The following ST6GALNAC3 variants were observed in gnomAD, a reference collection of about 807,000 sequenced individuals.
ST6GALNAC3 encodes alpha-N-acetylgalactosaminide alpha-2,6-sialyltransferase 3.
ST6GALNAC3 carries 25 observed loss-of-function variants against 32.7 expected under a neutral mutation model. The ratio of observed to expected loss-of-function variants is 0.76; its 90% CI spans 0.56 to 1.07. The LOEUF (loss-of-function observed/expected upper bound fraction) is 1.07. Ranked by LOEUF, ST6GALNAC3 falls within the 50% of genes least tolerant of loss-of-function variation. ST6GALNAC3 has a pLI of 0.00. For synonymous variants in ST6GALNAC3, 129 were observed against 133.1 expected (o/e 0.97, Z 0.21); for missense variants, 355 against 382.4 (o/e 0.93, Z 0.60).
intron 2 of ST6GALNAC3, among the ~76,000 whole-genome samples, chr1:76,386,236 T>G (rs1652082386): frequency 6.6e-6 from 1 of 152,162 alleles, no homozygotes; most frequent in African/African-American, 2.4e-5. Flanking sequence ...GCTTAGTGGC[T>G]TAACTTGTAA....
intron 1 of ST6GALNAC3, among the ~76,000 whole-genome samples, chr1:76,151,767 C>T (rs576114696): frequency 9.2e-5 from 14 of 152,280 alleles, no homozygotes; most frequent in Admixed American, 5.2e-4. Flanking sequence ...TGAGGGAAAA[C>T]GGGTGGGGCA....
At chr1:76,254,318 A>G (rs537083203) in intron 1 of ST6GALNAC3, among the ~76,000 whole-genome samples, 1 of 152,194 alleles carries the variant, frequency 6.6e-6, no homozygotes, top group East Asian at 1.9e-4. Flanking sequence ...CAATTAAGGA[A>G]GCTGCTGTGG....
At chr1:76,258,621 T>C (rs1452208337) in intron 1 of ST6GALNAC3, among the ~76,000 whole-genome samples, 2 of 152,170 alleles carry the variant, frequency 1.3e-5, no homozygotes, top group Non-Finnish European at 2.9e-5. Flanking sequence ...AAAAAATAAA[T>C]GATCTCTGAC....
At position 76,631,336 on chromosome 1, in the gene ST6GALNAC3, G is replaced by T. The variant is rs1649290762; in HGVS notation, c.*2530G>T. 4.0e-5 allele frequency: 6 copies of T among 148,636 alleles called. No homozygotes were observed. Among genetic ancestry groups the T allele is most frequent in the Admixed American group, 4.0e-4 (6 of 14,910 alleles). 9.2% of individuals were successfully genotyped at this position (148,636 alleles called of 1,614,324 possible). On this transcript the variant is annotated 3_prime_UTR_variant, in exon 5 of 5. Transcript: ENST00000328299. Reference sequence around the variant, plus strand: ...AAAAAAACAAGTTTTTCTCAATTTGGAGACTCAATTGAATAATTTCCAGTA... The same window carrying T: ...AAAAAAACAAGTTTTTCTCAATTTGTAGACTCAATTGAATAATTTCCAGTA...
intron 3 of ST6GALNAC3, among the ~76,000 whole-genome samples, chr1:76,564,566 G>A (rs976022982): frequency 2.0e-5 from 3 of 147,770 alleles, no homozygotes; most frequent in African/African-American, 7.5e-5. Flanking sequence ...TATGCAAGTT[G>A]AATGCAGCAT....
intron 2 of ST6GALNAC3, among the ~76,000 whole-genome samples, chr1:76,347,819 A>G (rs914969565): frequency 1.3e-5 from 2 of 152,164 alleles, no homozygotes; most frequent in East Asian, 3.9e-4. Flanking sequence ...ATGAGGCCAT[A>G]TGAATACCTC....
At chr1:76,167,803 G>A (rs1652221120) in intron 1 of ST6GALNAC3, among the ~76,000 whole-genome samples, 1 of 152,008 alleles carries the variant, frequency 6.6e-6, no homozygotes, top group South Asian at 2.1e-4. Flanking sequence ...TCTGATGGTT[G>A]GTTGTATTTC....
At chr1:76,417,463 AC>A (rs1235796760) in intron 3 of ST6GALNAC3, among the ~76,000 whole-genome samples, 1 of 152,166 alleles carries the variant, frequency 6.6e-6, no homozygotes, top group Non-Finnish European at 1.5e-5. Context: ...TTGCATTAAT[AC>A]ATCTTAAGAC....
chr1:76,615,912 AG>A (rs1648260458), intron 3 of ST6GALNAC3, among the ~76,000 whole-genome samples: 2 of 152,114 alleles, frequency 1.3e-5, no homozygotes, highest in African/African-American at 2.4e-5. Context: ...TCCCTCTGAG[AG>A]AGATGGCCCT....
At chr1:76,235,533 A>T (rs1231733576) in intron 1 of ST6GALNAC3, among the ~76,000 whole-genome samples, 9 of 151,870 alleles carry the variant, frequency 5.9e-5, no homozygotes, top group Non-Finnish European at 1.3e-4. Context: ...ATAAAATACA[A>T]TAAAATTTGC....
chr1:76,210,748 CTCT>C (rs1249516564), intron 1 of ST6GALNAC3, among the ~76,000 whole-genome samples: 1 of 151,990 alleles, frequency 6.6e-6, no homozygotes, highest in Non-Finnish European at 1.5e-5. Flanking sequence ...CTGTCTCTTC[CTCT>C]TATTTATTTT....
chr1:76,159,882 C>T (rs1431404238), intron 1 of ST6GALNAC3, among the ~76,000 whole-genome samples: 1 of 152,162 alleles, frequency 6.6e-6, no homozygotes, highest in Non-Finnish European at 1.5e-5. Context: ...TGGTTGTTCT[C>T]ATTTCACAGA....
At chr1:76,172,221 G>A (rs1266394419) in intron 1 of ST6GALNAC3, among the ~76,000 whole-genome samples, 1 of 152,096 alleles carries the variant, frequency 6.6e-6, no homozygotes, top group Non-Finnish European at 1.5e-5. Flanking sequence ...CACATAAACA[G>A]AACCAAAGAC....
intron 3 of ST6GALNAC3, among the ~76,000 whole-genome samples, chr1:76,588,192 T>TTTTG (rs528363620): frequency 3.0e-4 from 45 of 152,136 alleles, no homozygotes; most frequent in Non-Finnish European, 5.4e-4. Context: ...CAGGTAGTTT[T>TTTTG]TTTGTTTGTT....
chr1:76,139,999 G>T (rs945779789), intron 1 of ST6GALNAC3, among the ~76,000 whole-genome samples: 2 of 152,182 alleles, frequency 1.3e-5, no homozygotes, highest in African/African-American at 4.8e-5. Flanking sequence ...CTTCCTCACT[G>T]CTTTGCCAAA....
At chr1:76,089,080 G>C (rs1018591611) in intron 1 of ST6GALNAC3, among the ~76,000 whole-genome samples, 2 of 152,182 alleles carry the variant, frequency 1.3e-5, no homozygotes, top group Non-Finnish European at 2.9e-5. Flanking sequence ...CCAGGCTGGA[G>C]TGCAGTGGCA....
intron 3 of ST6GALNAC3, among the ~76,000 whole-genome samples, chr1:76,470,385 G>C (rs1237763259): frequency 6.6e-6 from 1 of 152,070 alleles, no homozygotes; most frequent in Non-Finnish European, 1.5e-5. Context: ...TGATATGGTA[G>C]ACTGGCTAGC....
At chr1:76,142,136 C>T (rs1458321174) in intron 1 of ST6GALNAC3, among the ~76,000 whole-genome samples, 2 of 152,218 alleles carry the variant, frequency 1.3e-5, no homozygotes, top group Admixed American at 6.5e-5. Context: ...CCCCTAAAAG[C>T]AAAGGTATGG....
chr1:76,384,083 A>G (rs1651916193), intron 2 of ST6GALNAC3, among the ~76,000 whole-genome samples: 1 of 152,144 alleles, frequency 6.6e-6, no homozygotes, highest in African/African-American at 2.4e-5. Context: ...AATGGCCTAA[A>G]CATTCTCATT....
Sources: gnomAD v4.1 joint callset for allele counts (sites outside exome capture counted in the v4.1 genomes callset) on GRCh38, gnomAD v4.1.1 for gene constraint, MANE v1.5 for transcripts, NCBI Gene and HGNC (gene_info 2026-07-23, HGNC 2026-07-21) for gene names.